Variants in SCAPER observed in about 807,000 individuals in gnomAD.
SCAPER encodes S phase cyclin A-associated protein in the endoplasmic reticulum.
SCAPER carries 98 observed loss-of-function variants against 182.2 expected under a neutral mutation model. The observed-to-expected ratio is 0.54, with a 90% CI of 0.46 to 0.64. The LOEUF is 0.64. Ranked by LOEUF, SCAPER falls within the 30% of genes least tolerant of loss-of-function variation. SCAPER has a pLI of 0.00. For missense variants in SCAPER, 1,432 were observed against 1,690.0 expected, an observed-to-expected ratio of 0.85 and a Z score of 2.68; for synonymous variants, 605 against 564.6, an observed-to-expected ratio of 1.07 and a Z score of -1.01.
At chr15:76,546,545 C>T (rs1288894190) in intron 23 of SCAPER, among the ~76,000 whole-genome samples, 2 of 152,016 alleles carry the variant, frequency 1.3e-5, no homozygotes, top group African/African-American at 4.8e-5. Flanking sequence ...TACCCCTGCC[C>T]CCACCCAATC....
intron 17 of SCAPER, among the ~76,000 whole-genome samples, chr15:76,714,898 TACC>T (rs1482672144): frequency 6.6e-6 from 1 of 151,882 alleles, no homozygotes; most frequent in African/African-American, 2.4e-5. Context: ...ATCAACTAAT[TACC>T]ACATTAACGG....
chr15:76,450,901 T>G (rs950144332), intron 25 of SCAPER, among the ~76,000 whole-genome samples: 4 of 152,184 alleles, frequency 2.6e-5, no homozygotes, highest in African/African-American at 9.7e-5. Flanking sequence ...ATGCACCCAT[T>G]TGAAGTGTAC....
intron 24 of SCAPER, among the ~76,000 whole-genome samples, chr15:76,502,083 A>G (rs1276679776): frequency 6.6e-6 from 1 of 152,232 alleles, no homozygotes; most frequent in African/African-American, 2.4e-5. Flanking sequence ...GAAGAATCTT[A>G]GAGTCAATGC....
chr15:76,493,718 AT>A (rs2052550102), intron 24 of SCAPER, among the ~76,000 whole-genome samples: 5 of 152,226 alleles, frequency 3.3e-5, no homozygotes, highest in Admixed American at 3.3e-4. Context: ...ACAATTAAAC[AT>A]GTTGCCTCTG....
intron 26 of SCAPER, among the ~76,000 whole-genome samples, chr15:76,420,487 T>C (rs2045951964): frequency 6.6e-6 from 1 of 152,134 alleles, no homozygotes; most frequent in Non-Finnish European, 1.5e-5. Context: ...ATCAGTGGTA[T>C]TTCCATACAT....
Position 76,557,143 on chromosome 15 carries a change from T to G in SCAPER, c.2838+17015A>C, listed in dbSNP as rs1374849538. Among the ~76,000 whole-genome samples, 5 of 152,230 alleles carry G rather than the reference T, an allele frequency of 3.3e-5. No homozygotes were observed. The East Asian group carries it at 9.6e-4, about 29-fold the overall frequency. On this transcript the variant is annotated intron_variant, in intron 23 of 31. Coordinates refer to ENST00000563290, the MANE Select transcript of SCAPER (RefSeq NM_020843.4). ...ACAATGGAAGAACATTCCATGCTCA[T>G]CCACAGGACGAATCAATATTAACAT...
At chr15:76,644,150 C>A (rs1218294368) in intron 21 of SCAPER, among the ~76,000 whole-genome samples, 2 of 152,024 alleles carry the variant, frequency 1.3e-5, no homozygotes, top group African/African-American at 2.4e-5. Context: ...TATATACGAT[C>A]AAAACTTTTT....
chr15:76,787,377 G>A (rs1429868263), intron 8 of SCAPER, among the ~76,000 whole-genome samples: 4 of 151,996 alleles, frequency 2.6e-5, no homozygotes, highest in Admixed American at 1.3e-4. Flanking sequence ...AGAAAGAAAA[G>A]AATTTTTCTT....
In SCAPER at chr15:76,618,881, A is replaced by G. The variant is rs756374656; in HGVS notation, c.2711+2883T>C. Reference sequence around the variant, plus strand: ...TTATTTTGAGATGGAGCCTTGCTCTATTGCCTGGGCTGCAGTATAGTGGCA... The same window carrying G: ...TTATTTTGAGATGGAGCCTTGCTCTGTTGCCTGGGCTGCAGTATAGTGGCA... On this transcript the variant is annotated intron_variant, in intron 22 of 31. Transcript: ENST00000563290. 7.9e-5 allele frequency among the ~76,000 whole-genome samples: 12 copies of G among 152,174 alleles called. 1 individual carries two copies. Among genetic ancestry groups the G allele is most frequent in the African/African-American group, 1.2e-4 (5 of 41,444 alleles).
chr15:76,862,376 T>C, intron 3 of SCAPER, 40 bp downstream of exon 3: 2 of 1,345,760 alleles, frequency 1.5e-6, no homozygotes, highest in Non-Finnish European at 2.1e-6. Flanking sequence ...ACACCCTCCT[T>C]ATTTACAACA....
intron 18 of SCAPER, among the ~76,000 whole-genome samples, chr15:76,704,761 A>C (rs1238033276): frequency 6.6e-6 from 1 of 152,214 alleles, no homozygotes; most frequent in African/African-American, 2.4e-5. Flanking sequence ...TTCTCAAAAG[A>C]AGACATTTAT....
At chr15:76,578,331 G>T (rs974266528) in intron 22 of SCAPER, among the ~76,000 whole-genome samples, 1 of 152,122 alleles carries the variant, frequency 6.6e-6, no homozygotes, top group Non-Finnish European at 1.5e-5. Flanking sequence ...CCTGCTGATT[G>T]CTGAGCCCTA....
Position 76,466,419 on chromosome 15 carries a change from C to CTTTTTTTTTTTTTTTTT in SCAPER, c.3078+4776_3078+4792dup. Among the ~76,000 whole-genome samples, 90 of 37,416 alleles carry CTTTTTTTTTTTTTTTTT rather than the reference C, an allele frequency of 2.4e-3. 5 individuals are homozygous for CTTTTTTTTTTTTTTTTT. Among genetic ancestry groups the CTTTTTTTTTTTTTTTTT allele is most frequent in the South Asian group, 5.0e-3 (3 of 600 alleles). 24.5% of individuals were successfully genotyped at this position (37,416 alleles called of 152,430 possible). A position where few individuals can be genotyped will look rare whatever the true frequency, so the allele number is the denominator to read the frequency against. On this transcript the variant is annotated intron_variant, in intron 25 of 31. Transcript: ENST00000563290. The stretch of plus-strand genomic sequence containing the variant: ...TCAGTTCCAAAATTGGTTGGTTCTT[C>CTTTTTTTTTTTTTTTTT]TTTTTTTTTTTTTTTTTTTTTTTGT...
intron 21 of SCAPER, among the ~76,000 whole-genome samples, chr15:76,662,500 A>G (rs890149443): frequency 2.0e-5 from 3 of 152,198 alleles, no homozygotes; most frequent in African/African-American, 7.2e-5. Context: ...AAGACTTTCT[A>G]CAAAGCTATA....
intron 21 of SCAPER, among the ~76,000 whole-genome samples, chr15:76,660,528 G>A (rs2056057885): frequency 6.6e-6 from 1 of 152,012 alleles, no homozygotes; most frequent in South Asian, 2.1e-4. Context: ...GTTGTCTATG[G>A]GAACATGGAA....
At chr15:76,864,696 T>A (rs1010399882) in intron 2 of SCAPER, among the ~76,000 whole-genome samples, 5 of 148,238 alleles carry the variant, frequency 3.4e-5, no homozygotes, top group Non-Finnish European at 6.0e-5. Context: ...AGATAATAAT[T>A]TTTTTTTTTT....
intron 8 of SCAPER, among the ~76,000 whole-genome samples, chr15:76,788,271 T>G (rs534750203): frequency 1.6e-4 from 25 of 152,356 alleles, no homozygotes; most frequent in Non-Finnish European, 2.2e-4. Context: ...ACTGTTGTGA[T>G]AGTTGTACAT....
chr15:76,822,512 C>A (rs2067663357), intron 5 of SCAPER, among the ~76,000 whole-genome samples: 1 of 152,220 alleles, frequency 6.6e-6, no homozygotes, highest in Non-Finnish European at 1.5e-5. Flanking sequence ...CCAAATACAA[C>A]ATTTCCACTG....
intron 20 of SCAPER, among the ~76,000 whole-genome samples, chr15:76,670,876 AAG>A (rs1256468065): frequency 6.6e-5 from 10 of 152,192 alleles, no homozygotes; most frequent in African/African-American, 2.2e-4. Context: ...TTGATGATAA[AAG>A]AGTAAAAATC....
Sources: allele counts gnomAD v4.1 joint callset (sites outside exome capture counted in the v4.1 genomes callset), GRCh38; gene constraint gnomAD v4.1.1; transcripts MANE v1.5; gene names NCBI Gene and HGNC (gene_info 2026-07-23, HGNC 2026-07-21).